Variants in FHOD3 observed in about 807,000 individuals in gnomAD.
FHOD3 encodes FH1/FH2 domain-containing protein 3.
FHOD3 carries 90 observed loss-of-function variants against 173.0 expected under a neutral mutation model. The ratio of observed to expected loss-of-function variants is 0.52; its 90% confidence interval spans 0.44 to 0.62. FHOD3 has a LOEUF of 0.62. Ranked by LOEUF, FHOD3 falls within the 20% of genes least tolerant of loss-of-function variation. The probability of loss-of-function intolerance (pLI) is 0.00; values close to 1 mark genes in which losing one functional copy is unlikely to be tolerated. For missense variants in FHOD3, 1,945 were observed against 2,034.7 expected, an observed-to-expected ratio of 0.96 and a Z score of 0.85; for synonymous variants, 828 against 823.0, an observed-to-expected ratio of 1.01 and a Z score of -0.10.
intron 28 of FHOD3, among the ~76,000 whole-genome samples, chr18:36,770,194 C>T (rs1016383799): frequency 3.3e-5 from 5 of 152,210 alleles, no homozygotes; most frequent in Non-Finnish European, 7.3e-5. Context: ...GCCGCTGGGT[C>T]ACTCTAGAGG....
At chr18:36,478,856 C>T (rs1489442561) in intron 3 of FHOD3, among the ~76,000 whole-genome samples, 1 of 152,190 alleles carries the variant, frequency 6.6e-6, no homozygotes, top group African/African-American at 2.4e-5. Flanking sequence ...CTGACTCCTT[C>T]AAACTATTGA....
At chr18:36,411,504 A>C (rs1432685910) in intron 3 of FHOD3, among the ~76,000 whole-genome samples, 2 of 152,224 alleles carry the variant, frequency 1.3e-5, no homozygotes, top group Non-Finnish European at 2.9e-5. Flanking sequence ...AAGACAATAA[A>C]ATCTGGCCTC....
chr18:36,454,774 C>T (rs2052073606), intron 3 of FHOD3, among the ~76,000 whole-genome samples: 1 of 151,996 alleles, frequency 6.6e-6, no homozygotes, highest in African/African-American at 2.4e-5. Context: ...GGCTCTTCGG[C>T]ATGGGGGAGG....
intron 14 of FHOD3, among the ~76,000 whole-genome samples, chr18:36,663,915 C>T (rs1307585416): frequency 1.3e-5 from 2 of 152,184 alleles, no homozygotes; most frequent in Non-Finnish European, 2.9e-5. Flanking sequence ...CCATTCTTGT[C>T]TGCTTTGGCT....
At position 36,652,776 on chromosome 18, in the gene FHOD3, C is replaced by A. The variant is rs781365593; in HGVS notation, c.1493C>A (p.Pro498His). The A allele has an allele frequency of 4.6e-6, 7 of 1,535,850 alleles. No homozygotes were observed. The East Asian group carries it at 1.5e-4, about 32-fold the overall frequency. The part of the protein sequence containing the change: ...LLSPPASAAR[P>H]SSATPGSLKV... Reference sequence around the variant, plus strand: ...TCACCCCCTGCCTCAGCTGCTCGGCCCTCCTCCGCCACACCAGGCTCCCTG... The same window carrying A: ...TCACCCCCTGCCTCAGCTGCTCGGCACTCCTCCGCCACACCAGGCTCCCTG... Residue 498 changes from proline to histidine, a missense_variant, in exon 12 of 29, where the codon CCC becomes CAC. Pro to His is a moderately conservative substitution (Grantham distance 77). Coordinates refer to ENST00000590592, the MANE Select transcript of FHOD3 (RefSeq NM_001281740.3).
chr18:36,603,657 C>G (rs892159150), intron 8 of FHOD3, among the ~76,000 whole-genome samples: 28 of 152,014 alleles, frequency 1.8e-4, no homozygotes, highest in Non-Finnish European at 1.5e-5. Context: ...GCACGTGCCA[C>G]CATGCCTGGC....
rs1334508483 is a variant in FHOD3 at position 36,567,029 on chromosome 18, G to C, written c.512-9422G>C. Among the ~76,000 whole-genome samples, 3 of 152,204 alleles carry C rather than the reference G, an allele frequency of 2.0e-5. No individual in the cohort carries two copies. In the East Asian group the frequency reaches 5.8e-4, roughly 29 times the overall value. On this transcript the variant is annotated intron_variant, in intron 5 of 28. Transcript: ENST00000590592. ...CTTTCTAGTGGTATTTGAAAATGCA[G>C]GTATACAGTGAGCTCCATTGTCTAG... is the stretch of plus-strand genomic sequence containing the variant.
At position 36,449,967 on chromosome 18, in the gene FHOD3, G is replaced by C. The variant is rs534243586; in HGVS notation, c.338-51965G>C. 1.7e-4 allele frequency among the ~76,000 whole-genome samples: 26 copies of C among 152,138 alleles called. No individual in the cohort carries two copies. The East Asian group carries it at 4.6e-3, about 27-fold the overall frequency. On this transcript the variant is annotated intron_variant, in intron 3 of 28. Coordinates refer to ENST00000590592, the MANE Select transcript of FHOD3 (RefSeq NM_001281740.3). ...GTTTTTGGGGAACAGGTGGTGTTTG[G>C]TTACATGAATAAGTTCTTCAGTGGT... is the stretch of plus-strand genomic sequence containing the variant.
intron 3 of FHOD3, among the ~76,000 whole-genome samples, chr18:36,415,359 A>G (rs150419211): frequency 6.6e-6 from 1 of 152,330 alleles, no homozygotes; most frequent in African/African-American, 2.4e-5. Flanking sequence ...AAATTGACTT[A>G]GGAGGGAGCA....
intron 14 of FHOD3, among the ~76,000 whole-genome samples, chr18:36,675,700 C>T (rs28451430): frequency 0.025 from 3,766 of 152,232 alleles, 159 homozygotes; most frequent in African/African-American, 0.084. Flanking sequence ...TCTGGGAGCA[C>T]GGAGACTAGC....
intron 6 of FHOD3, among the ~76,000 whole-genome samples, chr18:36,591,318 C>T (rs1406361363): frequency 6.6e-6 from 1 of 152,156 alleles, no homozygotes; most frequent in Non-Finnish European, 1.5e-5. Context: ...AGGTTACCTC[C>T]AGAATGGCAG....
chr18:36,391,345 C>T (rs2048290690), intron 3 of FHOD3, among the ~76,000 whole-genome samples: 1 of 152,154 alleles, frequency 6.6e-6, no homozygotes, highest in Admixed American at 6.5e-5. Context: ...TGGACAGATG[C>T]CAGGATCCCT....
intron 14 of FHOD3, among the ~76,000 whole-genome samples, chr18:36,662,952 G>GT (rs2036911586): frequency 6.6e-6 from 1 of 152,064 alleles, no homozygotes; most frequent in African/African-American, 2.4e-5. Flanking sequence ...TCATTGAGTT[G>GT]TTTTTTCTCA....
At position 36,355,577 on chromosome 18, in the gene FHOD3, C is replaced by T. The variant is rs376690541; in HGVS notation, c.204C>T (p.Ala68=). ...DCTLQLSHNG[A]YLDLEATLAE... is the part of the protein sequence containing the mutation. Reference sequence around the variant, plus strand: ...CTCTGCAGCTCTCTCACAATGGCGCCTACCTGGATTTGGAGGCCACCCTGG... The same window carrying T: ...CTCTGCAGCTCTCTCACAATGGCGCTTACCTGGATTTGGAGGCCACCCTGG... The change falls in exon 2 of 29, where the codon GCC becomes GCT. Residue 68 remains alanine, a synonymous_variant. Coordinates refer to ENST00000590592, the MANE Select transcript of FHOD3 (RefSeq NM_001281740.3). 8.1e-6 allele frequency: 13 copies of T among 1,614,146 alleles called. No individual in the cohort carries two copies. The African/African-American group carries it at 1.7e-4, about 22-fold the overall frequency.
intron 17 of FHOD3, among the ~76,000 whole-genome samples, chr18:36,697,619 T>C (rs1031330004): frequency 6.6e-6 from 1 of 152,342 alleles, no homozygotes; most frequent in East Asian, 1.9e-4. Context: ...TTTCCAAATG[T>C]CTGATTGTTT....
In FHOD3 at chr18:36,652,865, T is replaced by A; in HGVS notation, c.1582T>A (p.Tyr528Asn). 6.5e-7 allele frequency: 1 copy of A among 1,535,922 alleles called. No individual in the cohort carries two copies. Reference protein sequence around the residue: ...VPHSPFHLFSYDFEDSSLSTK... With the variant: ...VPHSPFHLFSNDFEDSSLSTK... ...CCACAGCCCCTTCCACCTCTTCTCC[T>A]ATGACTTTGAGGACTCCTCCCTGTC... Residue 528 changes from tyrosine (Y) to asparagine (N), a missense_variant, in exon 12 of 29, where the codon TAT (tyrosine) becomes AAT (asparagine). This residue lies in a region of FHOD3 where 1,099 missense variants were observed against 1,051.2 expected (regional missense o/e 1.05). Coordinates refer to ENST00000590592, the MANE Select transcript of FHOD3 (RefSeq NM_001281740.3).
intron 5 of FHOD3, among the ~76,000 whole-genome samples, chr18:36,568,491 C>T (rs578183940): frequency 6.6e-6 from 1 of 151,830 alleles, no homozygotes; most frequent in African/African-American, 2.4e-5. Context: ...TTTATGTGAA[C>T]CCCTGGGCTC....
intron 10 of FHOD3, among the ~76,000 whole-genome samples, chr18:36,629,058 G>A (rs553386420): frequency 4.5e-4 from 69 of 152,324 alleles, no homozygotes; most frequent in Admixed American, 1.0e-3. Context: ...GCAGCTTTCA[G>A]TCATGTGTAT....
In FHOD3 at chr18:36,718,278, G is replaced by A. The variant is rs756103507; in HGVS notation, c.2980G>A (p.Asp994Asn). ...MANPRELRIQ[D>N]MDFTDLGEED... ...CAATCCAAGAGAGCTCAGAATCCAA[G>A]ACATGGATTTCACTGACCTGGGGGA... The change falls in exon 19 of 29, where the codon GAC (aspartate) becomes AAC (asparagine). Residue 994 changes from aspartate (D) to asparagine (N), a missense_variant. Around this residue, in one of 5 missense-constraint regions of FHOD3, gnomAD observed 1,099 missense variants for 1,051.2 expected, o/e 1.05. Coordinates refer to ENST00000590592, the MANE Select transcript of FHOD3 (RefSeq NM_001281740.3). 1.2e-6 allele frequency: 2 copies of A among 1,614,046 alleles called. No homozygotes were observed. Among genetic ancestry groups the A allele is most frequent in the African/African-American group, 2.7e-5 (2 of 74,902 alleles).
Sources: gnomAD v4.1 joint callset for allele counts (sites outside exome capture counted in the v4.1 genomes callset) on GRCh38, gnomAD v4.1.1 for gene constraint, gnomAD v4.1.1 regional missense constraint, MANE v1.5 for transcripts, NCBI Gene and HGNC (gene_info 2026-07-23, HGNC 2026-07-21) for gene names.